ERICH3: variants seen among roughly 807,000 people sequenced by gnomAD.
ERICH3 encodes the protein glutamate-rich protein 3.
Under a neutral mutation model 131.1 loss-of-function variants are expected in ERICH3, and 126 were observed. The ratio of observed to expected loss-of-function variants is 0.96; its 90% CI spans 0.83 to 1.11. ERICH3 has a LOEUF of 1.11. ERICH3 is among the 50% of genes most tolerant of loss of function. The probability of loss-of-function intolerance (pLI) is 0.00; values close to 1 mark genes in which losing one functional copy is unlikely to be tolerated. For synonymous variants in ERICH3, 695 were observed against 644.6 expected (o/e 1.08, Z -1.18); for missense variants, 2,050 against 1,810.7 (o/e 1.13, Z -2.40).
At chr1:74,669,626 T>C (rs1646723225) in intron 1 of ERICH3, among the ~76,000 whole-genome samples, 1 of 152,228 alleles carries the variant, frequency 6.6e-6, no homozygotes, top group African/African-American at 2.4e-5. Context: ...ATGCTGGAAA[T>C]GGTATTTTAT....
rs1228917829 is a variant in ERICH3, at chr1:74,571,771, G to A, written c.3939C>T (p.Asn1313=). 1 of 1,613,916 alleles carries A rather than the reference G, an allele frequency of 6.2e-7. No homozygotes were observed. The highest frequency in any genetic ancestry group is 8.5e-7 in the Non-Finnish European group (1 of 1,180,016). Residue 1313 remains asparagine, a synonymous_variant, in exon 14 of 15, where the codon AAC becomes AAT. Coordinates refer to ENST00000326665, the MANE Select transcript of ERICH3 (RefSeq NM_001002912.5). ...CTTCCATGTCCCCGTCCCCTTCCGAGTTCCTGTCCTGCATCGCTTCTGTCT... is the reference window on the plus strand; with the variant it reads ...CTTCCATGTCCCCGTCCCCTTCCGAATTCCTGTCCTGCATCGCTTCTGTCT... ...TLETEAMQDR[N]SEGDGDMEGE...
chr1:74,582,447 T>C (rs925510750), intron 12 of ERICH3, among the ~76,000 whole-genome samples: 4 of 152,188 alleles, frequency 2.6e-5, no homozygotes, highest in Non-Finnish European at 4.4e-5. Context: ...TATACTTTCT[T>C]CCTCATTTAA....
intron 1 of ERICH3, 108 bp downstream of exon 1, chr1:74,673,389 C>G: frequency 7.3e-7 from 1 of 1,362,648 alleles, no homozygotes; most frequent in Non-Finnish European, 1.0e-6. Flanking sequence ...CCAGCCCTCC[C>G]CCTCGCTCCC....
At chr1:74,664,028 TA>T (rs1646666515) in intron 1 of ERICH3, among the ~76,000 whole-genome samples, 1 of 152,100 alleles carries the variant, frequency 6.6e-6, no homozygotes, top group African/African-American at 2.4e-5. Flanking sequence ...ATGGGAGATA[TA>T]AAAACTATTC....
chr1:74,650,092 A>G (rs985546867), intron 1 of ERICH3, among the ~76,000 whole-genome samples: 2 of 152,130 alleles, frequency 1.3e-5, no homozygotes, highest in East Asian at 1.9e-4. Context: ...TAAAGATATG[A>G]TTTTGTTTGG....
chr1:74,641,604 G>A (rs2100634570), intron 4 of ERICH3, 145 bp from the exon 5 acceptor site: 2 of 953,656 alleles, frequency 2.1e-6, no homozygotes, highest in South Asian at 1.6e-5. Flanking sequence ...GTTAGGTGTG[G>A]TGGTAAGGCA....
chr1:74,576,073 A>T (rs912623345), intron 13 of ERICH3, among the ~76,000 whole-genome samples: 1 of 152,226 alleles, frequency 6.6e-6, no homozygotes, highest in Non-Finnish European at 1.5e-5. Flanking sequence ...CAGCTCTGCC[A>T]TTTACTAATT....
intron 12 of ERICH3, among the ~76,000 whole-genome samples, chr1:74,582,281 T>A (rs757813134): frequency 3.3e-5 from 5 of 152,196 alleles, no homozygotes; most frequent in Non-Finnish European, 4.4e-5. Context: ...ATGCTCCTCT[T>A]TCTCATGGGA....
Position 74,571,539 on chromosome 1 carries a change from C to G in ERICH3, c.4171G>C (p.Asp1391His). Reference protein sequence around the residue: ...VAEEETWHQQDELVGKTAAAG... With the variant: ...VAEEETWHQQHELVGKTAAAG... ...GCTGCTGTTTTTCCTACTAACTCAT[C>G]CTGTTGGTGCCAGGTTTCTTCCTCA... The change falls in exon 14 of 15, where the codon GAT becomes CAT. Residue 1391 changes from aspartate (D) to histidine (H), a missense_variant. Physicochemically the swap from Asp to His is moderately conservative, Grantham distance 81. Coordinates refer to ENST00000326665, the MANE Select transcript of ERICH3 (RefSeq NM_001002912.5). 6.2e-7 allele frequency: 1 copy of G among 1,614,184 alleles called. No homozygotes were observed. The highest frequency in any genetic ancestry group is 1.1e-5 in the South Asian group (1 of 91,078).
In ERICH3 at chr1:74,665,006, T is replaced by G. The variant is rs556007423; in HGVS notation, c.23+8491A>C. Reference sequence around the variant, plus strand: ...CTTAACGTCTGTATCACCCCAAAATTCATATGTTGAAATCTTAACCCACAA... The same window carrying G: ...CTTAACGTCTGTATCACCCCAAAATGCATATGTTGAAATCTTAACCCACAA... On this transcript the variant is annotated intron_variant, in intron 1 of 14. Coordinates refer to ENST00000326665, the MANE Select transcript of ERICH3 (RefSeq NM_001002912.5). Among the ~76,000 whole-genome samples the G allele has an allele frequency of 1.5e-4, 23 of 152,278 alleles. 1 individual carries two copies. The highest frequency in any genetic ancestry group is 5.5e-4 in the African/African-American group (23 of 41,566).
At chr1:74,630,758 A>C (rs1646320378) in intron 7 of ERICH3, among the ~76,000 whole-genome samples, 1 of 152,104 alleles carries the variant, frequency 6.6e-6, no homozygotes, top group Non-Finnish European at 1.5e-5. Flanking sequence ...AATTAGAGAG[A>C]ATGACAGATA....
chr1:74,662,530 A>G (rs1646653289), intron 1 of ERICH3, among the ~76,000 whole-genome samples: 1 of 152,188 alleles, frequency 6.6e-6, no homozygotes, highest in African/African-American at 2.4e-5. Context: ...AAATTAATTT[A>G]TGACTTAAAA....
intron 1 of ERICH3, among the ~76,000 whole-genome samples, chr1:74,652,865 C>T (rs1194372768): frequency 2.0e-5 from 3 of 152,144 alleles, no homozygotes; most frequent in African/African-American, 7.2e-5. Context: ...TCTACCCATC[C>T]CCTGGTCACT....
intron 7 of ERICH3, among the ~76,000 whole-genome samples, chr1:74,629,338 CAAAATAGAGATTCCA>C (rs1243855632): frequency 2.6e-5 from 4 of 151,052 alleles, no homozygotes; most frequent in African/African-American, 9.7e-5. Flanking sequence ...CTAACATTCC[CAAAATAGAGATTCCA>C]AAAAGAGAGA....
rs1217877988 is a variant in ERICH3, at chr1:74,577,059, A to G, written c.2177-123T>C. On this transcript the variant is annotated intron_variant, in intron 12 of 14. Coordinates refer to ENST00000326665, the MANE Select transcript of ERICH3 (RefSeq NM_001002912.5). The stretch of plus-strand genomic sequence containing the variant: ...TCACCTAGCTGTTCAACTATCTGGG[A>G]GGCAGGCTATTGAAAGAAGACTGAT... 5.3e-6 allele frequency: 4 copies of G among 749,382 alleles called. No individual in the cohort carries two copies. In the South Asian group the frequency reaches 7.8e-5, roughly 15 times the overall value. 46.4% of individuals were successfully genotyped at this position (749,382 alleles called of 1,614,324 possible). A position where few individuals can be genotyped will look rare whatever the true frequency, so the allele number is the denominator to read the frequency against.
At chr1:74,601,412 A>G (rs1648124726) in intron 10 of ERICH3, among the ~76,000 whole-genome samples, 1 of 151,880 alleles carries the variant, frequency 6.6e-6, no homozygotes, top group African/African-American at 2.4e-5. Context: ...TGAGGAAAGA[A>G]GATGTAGGTA....
At position 74,661,903 on chromosome 1, in the gene ERICH3, T is replaced by A. The variant is rs909058550; in HGVS notation, c.23+11594A>T. ...CGGAAATAGCATGTTTATCTCATAG[T>A]TTTTTGCACTGGACATTGATTTTTT... On this transcript the variant is annotated intron_variant, in intron 1 of 14. Coordinates refer to ENST00000326665, the MANE Select transcript of ERICH3 (RefSeq NM_001002912.5). 2.0e-5 allele frequency among the ~76,000 whole-genome samples: 3 copies of A among 152,166 alleles called. No individual in the cohort carries two copies. The South Asian group carries it at 6.2e-4, about 31-fold the overall frequency.
chr1:74,627,375 G>C (rs1370082452), intron 7 of ERICH3, among the ~76,000 whole-genome samples: 1 of 152,092 alleles, frequency 6.6e-6, no homozygotes, highest in Non-Finnish European at 1.5e-5. Flanking sequence ...GAAGGCAAGA[G>C]AGGAGAGGTT....
chr1:74,646,037 G>A (rs1016850573), intron 3 of ERICH3, among the ~76,000 whole-genome samples: 5 of 152,020 alleles, frequency 3.3e-5, no homozygotes, highest in Admixed American at 3.3e-4. Flanking sequence ...GAGCAAGGCT[G>A]AAATAATTTA....
Sources: gnomAD v4.1 joint callset for allele counts (sites outside exome capture counted in the v4.1 genomes callset) on GRCh38, gnomAD v4.1.1 for gene constraint, MANE v1.5 for transcripts, NCBI Gene and HGNC (gene_info 2026-07-23, HGNC 2026-07-21) for gene names.